Variants in PARP8 observed in about 807,000 individuals in gnomAD.
PARP8 encodes protein mono-ADP-ribosyltransferase PARP8.
In PARP8, 51 loss-of-function variants were observed where a neutral mutation model predicts 124.1. That is an observed-to-expected ratio of 0.41 (90% confidence interval 0.33 to 0.52). PARP8 has a LOEUF of 0.52. Ranked by LOEUF, PARP8 falls within the 20% of genes least tolerant of loss-of-function variation. PARP8 has a pLI of 0.21. For missense variants in PARP8, 860 were observed against 1,018.9 expected (o/e 0.84, Z 2.12); for synonymous variants, 391 against 361.5 (o/e 1.08, Z -0.93).
intron 6 of PARP8, among the ~76,000 whole-genome samples, 181 bp from the exon 7 acceptor site, chr5:50,762,967 G>T (rs1237852876): frequency 6.6e-6 from 1 of 152,110 alleles, no homozygotes; most frequent in Non-Finnish European, 1.5e-5. Context: ...CTAACTTTAA[G>T]TTCCAACCAT....
chr5:50,705,116 C>G (rs1754000244), intron 2 of PARP8, among the ~76,000 whole-genome samples: 1 of 152,110 alleles, frequency 6.6e-6, no homozygotes, highest in Admixed American at 6.6e-5. Context: ...AAGTAAGTAC[C>G]TTTATTACTT....
intron 10 of PARP8, among the ~76,000 whole-genome samples, chr5:50,791,062 A>T (rs1313219302): frequency 1.3e-5 from 2 of 152,324 alleles, no homozygotes; most frequent in East Asian, 3.9e-4. Flanking sequence ...AGAAACATAC[A>T]GCAAGTTAGG....
intron 2 of PARP8, among the ~76,000 whole-genome samples, chr5:50,730,255 G>A (rs1756843173): frequency 5.3e-5 from 8 of 151,882 alleles, no homozygotes; most frequent in Admixed American, 3.3e-4. Flanking sequence ...GTATTAGTCC[G>A]TTTTCATGCT....
At chr5:50,748,537 C>G (rs1758867805) in intron 2 of PARP8, among the ~76,000 whole-genome samples, 1 of 152,182 alleles carries the variant, frequency 6.6e-6, no homozygotes, top group Admixed American at 6.5e-5. Context: ...ACTTCTTATA[C>G]TGCAGGTCTG....
chr5:50,821,429 T>A, intron 16 of PARP8, 91 bp downstream of exon 16: 1 of 1,384,352 alleles, frequency 7.2e-7, no homozygotes, highest in South Asian at 1.3e-5. Context: ...TTCCTCTTTC[T>A]ATCTAAATCT....
intron 2 of PARP8, among the ~76,000 whole-genome samples, chr5:50,738,146 G>A (rs1285277309): frequency 1.3e-5 from 2 of 152,142 alleles, no homozygotes; most frequent in African/African-American, 4.8e-5. Context: ...GATAGGACTA[G>A]GGCTTTCCAA....
At chr5:50,754,582 A>G (rs1759700362) in intron 3 of PARP8, among the ~76,000 whole-genome samples, 1 of 152,098 alleles carries the variant, frequency 6.6e-6, no homozygotes, top group Non-Finnish European at 1.5e-5. Flanking sequence ...CCAGTCTATC[A>G]TTGATGGACA....
rs139047343 is a variant in PARP8, at chr5:50,823,252, C to T, written c.1860+852C>T. On this transcript the variant is annotated intron_variant, in intron 17 of 25. Coordinates refer to ENST00000281631, the MANE Select transcript of PARP8 (RefSeq NM_024615.4). Reference sequence around the variant, plus strand: ...TATGCAGCTTTCTCCCCGCCCCCCACCAACCCCCAGAGTTATCGCTACTGC... The same window carrying T: ...TATGCAGCTTTCTCCCCGCCCCCCATCAACCCCCAGAGTTATCGCTACTGC... Among the ~76,000 whole-genome samples the T allele has an allele frequency of 1.9e-4, 29 of 152,282 alleles. No homozygotes were observed. The East Asian group carries it at 5.4e-3, about 28-fold the overall frequency.
At chr5:50,745,281 G>A (rs941575902) in intron 2 of PARP8, among the ~76,000 whole-genome samples, 48 of 152,102 alleles carry the variant, frequency 3.2e-4, no homozygotes, top group African/African-American at 1.2e-3. Context: ...GTAATATATT[G>A]TACTTTTTAG....
chr5:50,835,085 C>T (rs1284920845), intron 25 of PARP8, 70 bp downstream of exon 25: 10 of 1,333,064 alleles, frequency 7.5e-6, no homozygotes, highest in South Asian at 2.5e-5. Flanking sequence ...ACTGAATTAT[C>T]GTTTGGTCTC....
chr5:50,841,956 T>C lies in PARP8; in HGVS notation c.2463-10T>C. 1 of 1,551,280 alleles carries C rather than the reference T, an allele frequency of 6.4e-7. No individual in the cohort carries two copies. Among genetic ancestry groups the C allele is most frequent in the Non-Finnish European group, 8.8e-7 (1 of 1,134,772 alleles). On this transcript the variant is annotated splice_polypyrimidine_tract_variant and intron_variant, in intron 25 of 25. Coordinates refer to ENST00000281631, the MANE Select transcript of PARP8 (RefSeq NM_024615.4). ...AAAATGTTTTTATATTTTTATGTTT[T>C]GTATTTCAGCTATGAAGACGGCCAA...
chr5:50,701,114 C>A (rs1753550068), intron 2 of PARP8, among the ~76,000 whole-genome samples: 1 of 152,102 alleles, frequency 6.6e-6, no homozygotes, highest in South Asian at 2.1e-4. Flanking sequence ...ATTGACTTTA[C>A]AGATTTTTAA....
intron 9 of PARP8, among the ~76,000 whole-genome samples, chr5:50,786,598 G>T (rs1741276924): frequency 6.6e-6 from 1 of 151,476 alleles, no homozygotes. Context: ...GAACTCCTGG[G>T]CTCAAGCAAT....
In PARP8 at chr5:50,698,478, C is replaced by T. The variant is rs148770983; in HGVS notation, c.146+30353C>T. ...CTTATTCCTTATTATCTTCTTACTTCTTATTACTGTGATAAAATGACCCTG... is the reference window on the plus strand; with the variant it reads ...CTTATTCCTTATTATCTTCTTACTTTTTATTACTGTGATAAAATGACCCTG... On this transcript the variant is annotated intron_variant, in intron 2 of 25. Transcript: ENST00000281631. 1.1e-4 allele frequency among the ~76,000 whole-genome samples: 16 copies of T among 152,234 alleles called. No homozygotes were observed. The East Asian group carries it at 2.9e-3, about 28-fold the overall frequency.
intron 25 of PARP8, among the ~76,000 whole-genome samples, chr5:50,840,639 G>T (rs1425440233): frequency 5.9e-5 from 9 of 151,740 alleles, no homozygotes; most frequent in Non-Finnish European, 1.2e-4. Flanking sequence ...ACTTGAACGG[G>T]GCTGAAATCA....
At position 50,709,348 on chromosome 5, in the gene PARP8, T is replaced by C. The variant is rs147837835; in HGVS notation, c.147-40803T>C. Among the ~76,000 whole-genome samples the C allele has an allele frequency of 4.2e-3, 638 of 152,176 alleles. 3 individuals carry two copies. Among genetic ancestry groups the C allele is most frequent in the African/African-American group, 0.015 (609 of 41,568 alleles). On this transcript the variant is annotated intron_variant, in intron 2 of 25. Transcript: ENST00000281631. Reference sequence around the variant, plus strand: ...AAATTCTTTCATTTTTTTCTTTTTCTTTTGAAAATGCTTTTCAGAGCATTT... The same window carrying C: ...AAATTCTTTCATTTTTTTCTTTTTCCTTTGAAAATGCTTTTCAGAGCATTT...
At chr5:50,807,075 C>A (rs1743928557) in intron 14 of PARP8, among the ~76,000 whole-genome samples, 2 of 151,124 alleles carry the variant, frequency 1.3e-5, no homozygotes, top group African/African-American at 4.9e-5. Context: ...GTTAGACTGT[C>A]CCATGTTTTT....
chr5:50,751,597 A>C (rs1759272231), intron 3 of PARP8, among the ~76,000 whole-genome samples: 1 of 152,130 alleles, frequency 6.6e-6, no homozygotes, highest in African/African-American at 2.4e-5. Flanking sequence ...CAGTATACCA[A>C]GTATTTGCAC....
intron 10 of PARP8, among the ~76,000 whole-genome samples, chr5:50,793,062 G>A (rs1169732369): frequency 6.6e-6 from 1 of 152,022 alleles, no homozygotes; most frequent in Non-Finnish European, 1.5e-5. Context: ...ATGCTAACTT[G>A]GGCAGATTTC....
Sources: allele counts gnomAD v4.1 joint callset (sites outside exome capture counted in the v4.1 genomes callset), GRCh38; gene constraint gnomAD v4.1.1; transcripts MANE v1.5; gene names NCBI Gene and HGNC (gene_info 2026-07-23, HGNC 2026-07-21).